NME7: variants seen among roughly 807,000 people sequenced by gnomAD.
NME7 encodes nucleoside diphosphate kinase 7.
A neutral mutation model predicts 49.1 loss-of-function variants in NME7; 41 were observed. That is an observed-to-expected ratio of 0.83 (90% CI 0.65 to 1.08). The LOEUF (loss-of-function observed/expected upper bound fraction) is 1.08. Ranked by LOEUF, NME7 falls within the 50% of genes least tolerant of loss-of-function variation. NME7 has a pLI of 0.00. For missense variants in NME7, 423 were observed against 463.4 expected (o/e 0.91, Z 0.80); for synonymous variants, 139 against 150.6 (o/e 0.92, Z 0.56).
At chr1:169,195,510 G>C (rs1163831339) in intron 10 of NME7, among the ~76,000 whole-genome samples, 3 of 152,052 alleles carry the variant, frequency 2.0e-5, no homozygotes, top group African/African-American at 7.2e-5. Context: ...ACTATGTCTG[G>C]TCAAAAGATA....
At chr1:169,234,294 T>C (rs1232999667) in intron 9 of NME7, among the ~76,000 whole-genome samples, 2 of 152,154 alleles carry the variant, frequency 1.3e-5, no homozygotes, top group African/African-American at 4.8e-5. Context: ...GCTCCATAAA[T>C]GCAGGCAGTA....
intron 7 of NME7, among the ~76,000 whole-genome samples, chr1:169,283,626 C>T (rs1305288649): frequency 3.3e-5 from 5 of 152,026 alleles, no homozygotes; most frequent in Non-Finnish European, 2.9e-5. Flanking sequence ...CAAGAGCTCT[C>T]GTAAGGCAGG....
chr1:169,334,692 C>T (rs538313642), intron 1 of NME7, among the ~76,000 whole-genome samples: 3 of 152,086 alleles, frequency 2.0e-5, no homozygotes, highest in Admixed American at 2.0e-4. Context: ...GCGATTGCAA[C>T]AAAAGCAAAA....
intron 1 of NME7, among the ~76,000 whole-genome samples, chr1:169,325,280 C>T (rs186132712): frequency 1.3e-5 from 2 of 152,156 alleles, no homozygotes; most frequent in African/African-American, 4.8e-5. Flanking sequence ...AGGTGACTCC[C>T]AAGGACAGGG....
At chr1:169,287,758 T>G (rs1233827417) in intron 6 of NME7, among the ~76,000 whole-genome samples, 1 of 152,186 alleles carries the variant, frequency 6.6e-6, no homozygotes, top group Admixed American at 6.5e-5. Flanking sequence ...GACACAAATT[T>G]AATTTTAAAT....
In NME7 at chr1:169,168,813, AT is replaced by A. The variant is rs1266592742; in HGVS notation, c.1098+633del. On this transcript the variant is annotated intron_variant, in intron 11 of 11. Coordinates refer to ENST00000367811, the MANE Select transcript of NME7 (RefSeq NM_013330.5). ...TATATGTTATGCACTCATAATACAC[AT>A]TTTTTTCTATTTTTTTGATATTTCT... 2.6e-5 allele frequency: 12 copies of A among 453,964 alleles called. No homozygotes were observed. In the East Asian group the frequency reaches 5.6e-4, roughly 21 times the overall value. The allele number at this position is 453,964 out of a possible 1,614,324, so 28.1% of individuals were successfully genotyped here. A position where few individuals can be genotyped will look rare whatever the true frequency, so the allele number is the denominator to read the frequency against.
At chr1:169,138,751 A>C (rs1259439472) in intron 11 of NME7, among the ~76,000 whole-genome samples, 2 of 152,162 alleles carry the variant, frequency 1.3e-5, no homozygotes, top group African/African-American at 2.4e-5. Context: ...ATATGAAATT[A>C]AAAACTCAAA....
chr1:169,304,852 C>T (rs1232057964), intron 4 of NME7, among the ~76,000 whole-genome samples: 1 of 151,674 alleles, frequency 6.6e-6, no homozygotes, highest in Admixed American at 6.6e-5. Context: ...GAAAAACTCA[C>T]AAAAAAAGAG....
intron 7 of NME7, among the ~76,000 whole-genome samples, chr1:169,253,434 G>T (rs1184554868): frequency 6.6e-6 from 1 of 151,772 alleles, no homozygotes; most frequent in African/African-American, 2.4e-5. Context: ...CTTTGCTGAA[G>T]TTGCTTATCA....
chr1:169,206,894 G>C (rs1311061296), intron 10 of NME7, among the ~76,000 whole-genome samples: 1 of 152,066 alleles, frequency 6.6e-6, no homozygotes, highest in Non-Finnish European at 1.5e-5. Flanking sequence ...ACAGTGATTA[G>C]TTGTTTATAT....
At chr1:169,235,720 T>C (rs1647833004) in intron 8 of NME7, among the ~76,000 whole-genome samples, 1 of 152,080 alleles carries the variant, frequency 6.6e-6, no homozygotes, top group Non-Finnish European at 1.5e-5. Flanking sequence ...CAGAAAACAA[T>C]ACCATTTTCC....
At chr1:169,335,416 G>A (rs532694978) in intron 1 of NME7, among the ~76,000 whole-genome samples, 1 of 152,230 alleles carries the variant, frequency 6.6e-6, no homozygotes, top group East Asian at 1.9e-4. Context: ...CAGGGACATG[G>A]ATGAAGCTGG....
chr1:169,137,335 C>T (rs1658463112), intron 11 of NME7, among the ~76,000 whole-genome samples: 1 of 152,214 alleles, frequency 6.6e-6, no homozygotes, highest in South Asian at 2.1e-4. Flanking sequence ...ACCAGTTCTG[C>T]TTAAAGCCAA....
intron 1 of NME7, among the ~76,000 whole-genome samples, chr1:169,336,971 C>A (rs990089661): frequency 3.9e-5 from 6 of 152,106 alleles, no homozygotes; most frequent in African/African-American, 1.4e-4. Flanking sequence ...ACATAAAGGT[C>A]CTCCAAGGCC....
chr1:169,298,830 G>A (rs1422875521), intron 5 of NME7, 67 bp from the exon 6 acceptor site: 2 of 1,228,368 alleles, frequency 1.6e-6, no homozygotes, highest in Non-Finnish European at 2.3e-6. Context: ...CTTAACGACA[G>A]GATATATTTA....
chr1:169,292,069 G>A (rs1197563343), intron 6 of NME7, among the ~76,000 whole-genome samples: 2 of 151,812 alleles, frequency 1.3e-5, no homozygotes, highest in African/African-American at 2.4e-5. Context: ...TTTCAACAAA[G>A]GTGCAAAAGC....
chr1:169,182,380 C>T (rs2101750345), intron 10 of NME7, among the ~76,000 whole-genome samples: 1 of 152,168 alleles, frequency 6.6e-6, no homozygotes, highest in African/African-American at 2.4e-5. Flanking sequence ...CAAAACTCCC[C>T]CTCTTCCTAA....
chr1:169,366,795 T>C (rs991772679), intron 1 of NME7, among the ~76,000 whole-genome samples: 1 of 152,110 alleles, frequency 6.6e-6, no homozygotes, highest in African/African-American at 2.4e-5. Flanking sequence ...GGTTTGAAAA[T>C]GTCTTCACAG....
intron 7 of NME7, among the ~76,000 whole-genome samples, chr1:169,259,062 A>T (rs1177744606): frequency 7.5e-6 from 1 of 134,164 alleles, no homozygotes; most frequent in African/African-American, 2.5e-5. Context: ...ATAGCTGAAA[A>T]TTTTTATATT....
Sources: gnomAD v4.1 joint callset for allele counts (sites outside exome capture counted in the v4.1 genomes callset) on GRCh38, gnomAD v4.1.1 for gene constraint, MANE v1.5 for transcripts, NCBI Gene and HGNC (gene_info 2026-07-23, HGNC 2026-07-21) for gene names.